The following LRRC4B variants were observed in gnomAD, a reference collection of about 807,000 sequenced individuals.
LRRC4B encodes leucine-rich repeat-containing protein 4B.
A neutral mutation model predicts 7.3 loss-of-function variants in LRRC4B; 1 was observed. That is an observed-to-expected ratio of 0.14 (90% CI 0.05 to 0.65). The LOEUF (loss-of-function observed/expected upper bound fraction) is 0.65, where lower values mean the gene tolerates loss of function less well. Ranked by LOEUF, LRRC4B falls within the 30% of genes least tolerant of loss-of-function variation. LRRC4B has a pLI of 0.84. For missense variants in LRRC4B, 730 were observed against 1,041.6 expected (o/e 0.70, Z 4.12); for synonymous variants, 500 against 499.2 (o/e 1.00, Z -0.02).
intron 1 of LRRC4B, among the ~76,000 whole-genome samples, chr19:50,552,746 G>C (rs1431774074): frequency 7.4e-6 from 1 of 135,150 alleles, no homozygotes; most frequent in Non-Finnish European, 1.6e-5. Flanking sequence ...CCATCCCTCC[G>C]CCCATCCATC....
intron 2 of LRRC4B, among the ~76,000 whole-genome samples, chr19:50,530,047 G>A (rs773069025): frequency 2.0e-5 from 3 of 152,036 alleles, no homozygotes; most frequent in Non-Finnish European, 4.4e-5. Flanking sequence ...TCGTGGGTCG[G>A]CCAGCAGGGC....
intron 2 of LRRC4B, among the ~76,000 whole-genome samples, chr19:50,538,890 G>A (rs894302504): frequency 4.1e-5 from 6 of 147,928 alleles, no homozygotes; most frequent in Non-Finnish European, 6.0e-5. Flanking sequence ...GCCACCGCAC[G>A]CCGCCTTTTT....
rs1401551426 is a variant in LRRC4B, at chr19:50,537,503, G to T, written c.297+11039C>A. On this transcript the variant is annotated intron_variant, in intron 2 of 2. Transcript: ENST00000652263. This position sits in a 1 kb window ranked among gnomAD's most constrained non-coding sequence, Gnocchi z 5.5. ...TAGCGTCATTCGTGGAGGGGAGAAC[G>T]CGGGTCTTGTGCCTCTCAGGACTCG... 6.6e-6 allele frequency among the ~76,000 whole-genome samples: 1 copy of T among 152,182 alleles called. No individual in the cohort carries two copies. Among genetic ancestry groups the T allele is most frequent in the African/African-American group, 2.4e-5 (1 of 41,436 alleles).
rs76994208 is a variant in LRRC4B, at chr19:50,519,457, G to A, written c.298-42C>T. ...ACGGATCAGTCACGGAGATACTGAC[G>A]GGGACCGTGGGGGGATCACCAAGGT... is the stretch of plus-strand genomic sequence containing the variant. On this transcript the variant is annotated intron_variant, in intron 2 of 2. Transcript: ENST00000652263. This position sits in a 1 kb window ranked among gnomAD's most constrained non-coding sequence, Gnocchi z 8.1. 1.6e-3 allele frequency: 2,425 copies of A among 1,491,366 alleles called. 33 individuals are homozygous for A. In the African/African-American group the frequency reaches 0.03, roughly 19 times the overall value. The allele number at this position is 1,491,366 out of a possible 1,614,324, so 92.4% of individuals were successfully genotyped here. A position where few individuals can be genotyped will look rare whatever the true frequency, so the allele number is the denominator to read the frequency against.
At chr19:50,520,243 A>G (rs1980511985) in intron 2 of LRRC4B, among the ~76,000 whole-genome samples, 9 of 61,094 alleles carry the variant, frequency 1.5e-4, no homozygotes, top group Admixed American at 4.6e-4. Context: ...AAAAAAAAAA[A>G]AAAAGAAGAA....
chr19:50,552,025 G>A (rs1042272033), intron 1 of LRRC4B, among the ~76,000 whole-genome samples: 1 of 151,968 alleles, frequency 6.6e-6, no homozygotes, highest in African/African-American at 2.4e-5. Flanking sequence ...GGCAGCCGAG[G>A]AGGCAGCCGA....
At chr19:50,526,236 T>G (rs2122795495) in intron 2 of LRRC4B, among the ~76,000 whole-genome samples, 1 of 152,172 alleles carries the variant, frequency 6.6e-6, no homozygotes. Context: ...TTCTCCTTCC[T>G]CCTCTACTTG....
intron 2 of LRRC4B, among the ~76,000 whole-genome samples, chr19:50,547,615 G>A (rs900062033): frequency 1.3e-5 from 2 of 149,644 alleles, no homozygotes; most frequent in South Asian, 2.2e-4. Flanking sequence ...GCAATGCCTG[G>A]AGATATTTTT....
At chr19:50,527,173 C>T (rs1245801120) in intron 2 of LRRC4B, among the ~76,000 whole-genome samples, 1 of 151,824 alleles carries the variant, frequency 6.6e-6, no homozygotes, top group Non-Finnish European at 1.5e-5. Context: ...GCTGGGACTA[C>T]AGGCACCCGC....
chr19:50,532,021 G>C (rs924414374), intron 2 of LRRC4B, among the ~76,000 whole-genome samples: 1 of 152,180 alleles, frequency 6.6e-6, no homozygotes, highest in African/African-American at 2.4e-5. Context: ...TCAGGAGTTC[G>C]AGACCAGCCT....
At chr19:50,521,966 G>A (rs112354573) in intron 2 of LRRC4B, among the ~76,000 whole-genome samples, 4,603 of 152,136 alleles carry the variant, frequency 0.03, 223 homozygotes, top group African/African-American at 0.11. Context: ...ACTTGAGCTC[G>A]GGAATTGAAG....
Position 50,518,551 on chromosome 19 carries a change from C to T in LRRC4B, c.1162G>A (p.Gly388Ser). 1 of 1,587,078 alleles carries T rather than the reference C, an allele frequency of 6.3e-7. No individual in the cohort carries two copies. Among genetic ancestry groups the T allele is most frequent in the Non-Finnish European group, 8.6e-7 (1 of 1,164,194 alleles). ...GMAAELKCRT[G>S]TSMTSVNWLT... ...CAGTTGACGGAGGTCATGGAGGTGC[C>T]CGTGCGGCATTTGAGCTCGGCAGCC... Residue 388 changes from glycine to serine, a missense_variant, in exon 3 of 3, where the codon GGC (glycine) becomes AGC (serine). Around this residue, in one of 6 missense-constraint regions of LRRC4B, gnomAD observed 226 missense variants for 448.0 expected, o/e 0.50. Transcript: ENST00000652263.
intron 2 of LRRC4B, among the ~76,000 whole-genome samples, chr19:50,544,370 G>A (rs1164716044): frequency 1.3e-5 from 2 of 151,838 alleles, no homozygotes; most frequent in African/African-American, 4.8e-5. Context: ...AGCTGGGTGT[G>A]GTGGCGGGCA....
chr19:50,531,505 G>A (rs1215089792), intron 2 of LRRC4B, among the ~76,000 whole-genome samples: 2 of 152,212 alleles, frequency 1.3e-5, no homozygotes, highest in African/African-American at 4.8e-5. Flanking sequence ...GGGTCCCCCC[G>A]CCAATCACTT....
At position 50,548,730 on chromosome 19, in the gene LRRC4B, C is replaced by T. The variant is rs538757991; in HGVS notation, c.109G>A (p.Gly37Ser). The T allele has an allele frequency of 3.6e-5, 56 of 1,540,680 alleles. No individual in the cohort carries two copies. Among genetic ancestry groups the T allele is most frequent in the Admixed American group, 3.3e-4 (17 of 51,036 alleles). The change falls in exon 2 of 3, where the codon GGT becomes AGT. Residue 37 changes from glycine to serine, a missense_variant. Around this residue, in one of 6 missense-constraint regions of LRRC4B, gnomAD observed 143 missense variants for 158.4 expected, o/e 0.90. Transcript: ENST00000652263. This position sits in a 1 kb window ranked among gnomAD's most constrained non-coding sequence, Gnocchi z 6.8. Reference sequence around the variant, plus strand: ...GACGTCACGGCCACTCCACCTCCACCGGCCCCCAGGGGTGGGGAGAAGAGC... The same window carrying T: ...GACGTCACGGCCACTCCACCTCCACTGGCCCCCAGGGGTGGGGAGAAGAGC... ...LWLFSPPLGA[G>S]GGGVAVTSAA...
intron 2 of LRRC4B, among the ~76,000 whole-genome samples, chr19:50,522,172 C>T (rs1490922849): frequency 2.6e-5 from 4 of 151,922 alleles, no homozygotes; most frequent in South Asian, 2.1e-4. Context: ...AGGGAGATCC[C>T]GTCCCCAAAA....
At chr19:50,531,416 G>C (rs962099802) in intron 2 of LRRC4B, among the ~76,000 whole-genome samples, 1 of 152,114 alleles carries the variant, frequency 6.6e-6, no homozygotes, top group East Asian at 1.9e-4. Context: ...GCTGCTCGGC[G>C]CTCAGCACGC....
rs1173919963 is a variant in LRRC4B at position 50,520,203 on chromosome 19, CAAAAAAAAAAAAAAAAAAAAAAAAAAAA to C, written c.298-816_298-789del. Among the ~76,000 whole-genome samples, 31 of 9,368 alleles carry C rather than the reference CAAAAAAAAAAAAAAAAAAAAAAAAAAAA, an allele frequency of 3.3e-3. 1 individual carries two copies. The highest frequency in any genetic ancestry group is 4.4e-3 in the Non-Finnish European group (23 of 5,264). The allele number at this position is 9,368 out of a possible 152,430, so 6.1% of individuals were successfully genotyped here. ...CCTGGGCAATGAAGTAATACCCTGT[CAAAAAAAAAAAAAAAAAAAAAAAAAAAA>C]AAAAAAAAAAAAAAAAGAAGAAAAG... On this transcript the variant is annotated intron_variant, in intron 2 of 2. Transcript: ENST00000652263.
chr19:50,522,023 C>T (rs565260475), intron 2 of LRRC4B, among the ~76,000 whole-genome samples: 5 of 152,042 alleles, frequency 3.3e-5, no homozygotes, highest in African/African-American at 9.6e-5. Flanking sequence ...CAGACAAATA[C>T]GAAAATTAGC....
Sources: gnomAD v4.1 joint callset for allele counts (sites outside exome capture counted in the v4.1 genomes callset) on GRCh38, gnomAD v4.1.1 for gene constraint, gnomAD v4.1.1 regional missense constraint, Gnocchi (gnomAD v3.1) non-coding constraint, MANE v1.5 for transcripts, NCBI Gene and HGNC (gene_info 2026-07-23, HGNC 2026-07-21) for gene names.